The following SLC13A1 variants were observed in gnomAD, a reference collection of about 807,000 sequenced individuals.
SLC13A1 encodes Na(+)/sulfate cotransporter.
In SLC13A1, 65 loss-of-function variants were observed where a neutral mutation model predicts 70.0. That is an observed-to-expected ratio of 0.93 (90% CI 0.76 to 1.14). The LOEUF (loss-of-function observed/expected upper bound fraction) is 1.14. SLC13A1 is among the 50% of genes most tolerant of loss of function. The probability of loss-of-function intolerance (pLI) is 0.00; values close to 1 mark genes in which losing one functional copy is unlikely to be tolerated. For missense variants in SLC13A1, 726 were observed against 717.8 expected, an observed-to-expected ratio of 1.01 and a Z score of -0.13; for synonymous variants, 275 against 250.5, an observed-to-expected ratio of 1.10 and a Z score of -0.92.
intron 1 of SLC13A1, among the ~76,000 whole-genome samples, chr7:123,196,699 A>G (rs17145521): frequency 0.033 from 4,961 of 152,100 alleles, 287 homozygotes; most frequent in African/African-American, 0.11. Flanking sequence ...CCTTAATGAC[A>G]TTGCGTACCA....
intron 11 of SLC13A1, among the ~76,000 whole-genome samples, chr7:123,125,304 T>C (rs1464679723): frequency 6.6e-6 from 1 of 152,172 alleles, no homozygotes; most frequent in African/African-American, 2.4e-5. Context: ...TTACCATGGG[T>C]CAAATAGTAT....
intron 3 of SLC13A1, among the ~76,000 whole-genome samples, chr7:123,171,323 C>T (rs1795264678): frequency 1.3e-5 from 2 of 152,198 alleles, no homozygotes; most frequent in African/African-American, 2.4e-5. Flanking sequence ...TTTTTCTGCA[C>T]ACATTTGTAT....
At chr7:123,148,834 C>T (rs139338152) in intron 6 of SLC13A1, among the ~76,000 whole-genome samples, 5 of 152,226 alleles carry the variant, frequency 3.3e-5, no homozygotes, top group African/African-American at 1.2e-4. Flanking sequence ...TCACCACTTG[C>T]TACACTCAGT....
intron 2 of SLC13A1, among the ~76,000 whole-genome samples, chr7:123,176,774 C>T (rs960041976): frequency 2.6e-5 from 4 of 152,124 alleles, no homozygotes; most frequent in Admixed American, 6.6e-5. Context: ...TCCAAGATCC[C>T]ACACCCTCCT....
At chr7:123,151,389 T>C (rs1244751191) in intron 6 of SLC13A1, among the ~76,000 whole-genome samples, 1 of 139,196 alleles carries the variant, frequency 7.2e-6, no homozygotes, top group Non-Finnish European at 1.7e-5. Context: ...TGTGTGTGTA[T>C]ATATATATAT....
intron 1 of SLC13A1, among the ~76,000 whole-genome samples, chr7:123,194,577 C>G (rs1796113809): frequency 6.6e-6 from 1 of 151,654 alleles, no homozygotes; most frequent in South Asian, 2.1e-4. Context: ...TGGCCAGAGA[C>G]TGTAGGGGAA....
In SLC13A1 at chr7:123,114,970, T is replaced by G. The variant is rs552654398; in HGVS notation, c.*548A>C. On this transcript the variant is annotated 3_prime_UTR_variant, in exon 15 of 15. Transcript: ENST00000194130. ...CATGTATATATTAAGAATAATCCAATTGGATTTTTTAAATGAGGAAATGCA... is the reference window on the plus strand; with the variant it reads ...CATGTATATATTAAGAATAATCCAAGTGGATTTTTTAAATGAGGAAATGCA... 1 of 152,224 alleles carries G rather than the reference T, an allele frequency of 6.6e-6. No individual in the cohort carries two copies. The highest frequency in any genetic ancestry group is 2.4e-5 in the African/African-American group (1 of 41,444). 9.4% of individuals were successfully genotyped at this position (152,224 alleles called of 1,614,324 possible).
intron 13 of SLC13A1, 80 bp from the exon 14 acceptor site, chr7:123,117,688 T>A: frequency 4.4e-5 from 36 of 823,904 alleles, no homozygotes; most frequent in Non-Finnish European, 5.8e-5. Flanking sequence ...AGTATTACAA[T>A]AAGCCTTCCC....
At position 123,170,642 on chromosome 7, in the gene SLC13A1, G is replaced by T. The variant is rs571665077; in HGVS notation, c.365+1126C>A. On this transcript the variant is annotated intron_variant, in intron 3 of 14. Coordinates refer to ENST00000194130, the MANE Select transcript of SLC13A1 (RefSeq NM_022444.4). ...GTTTTTTTTGTTTGTTTGTTTGTTT[G>T]TTTTGAGACAGAGTCTCACTCTGTT... Among the ~76,000 whole-genome samples the T allele has an allele frequency of 3.5e-3, 526 of 151,616 alleles. 4 individuals carry two copies. Among genetic ancestry groups the T allele is most frequent in the African/African-American group, 0.012 (482 of 41,374 alleles).
intron 6 of SLC13A1, among the ~76,000 whole-genome samples, chr7:123,159,422 C>T (rs1585350610): frequency 6.6e-6 from 1 of 152,116 alleles, no homozygotes; most frequent in Admixed American, 6.6e-5. Context: ...GAAAACATCA[C>T]GTGAGGATGC....
At chr7:123,161,239 TTAAA>T (rs1213919730) in intron 6 of SLC13A1, among the ~76,000 whole-genome samples, 7 of 150,466 alleles carry the variant, frequency 4.7e-5, no homozygotes, top group African/African-American at 1.2e-4. Context: ...TAAAAAAGAC[TTAAA>T]TAAAATATTT....
chr7:123,199,158 C>A (rs1030985282), intron 1 of SLC13A1, among the ~76,000 whole-genome samples: 1 of 152,084 alleles, frequency 6.6e-6, no homozygotes, highest in African/African-American at 2.4e-5. Context: ...TTTGCTGATT[C>A]AAATCATTTT....
intron 2 of SLC13A1, among the ~76,000 whole-genome samples, chr7:123,179,185 A>G (rs905354843): frequency 3.9e-5 from 6 of 152,166 alleles, no homozygotes; most frequent in Admixed American, 6.6e-5. Flanking sequence ...CATGAAAAAA[A>G]CTAAGGTTTA....
At chr7:123,145,509 A>G (rs758867054) in intron 7 of SLC13A1, among the ~76,000 whole-genome samples, 1 of 152,236 alleles carries the variant, frequency 6.6e-6, no homozygotes, top group Non-Finnish European at 1.5e-5. Flanking sequence ...AAATTCACAG[A>G]CAGGAACTAA....
At chr7:123,142,660 G>GAGTCTTACTCTATTGTCC (rs140530822) in intron 7 of SLC13A1, among the ~76,000 whole-genome samples, 1 of 132,690 alleles carries the variant, frequency 7.5e-6, no homozygotes, top group African/African-American at 2.9e-5. Flanking sequence ...TTTTTTGATG[G>GAGTCTTACTCTATTGTCC]AGGCTGGAGT....
At chr7:123,122,057 T>A (rs767924284) in intron 12 of SLC13A1, among the ~76,000 whole-genome samples, 4 of 152,148 alleles carry the variant, frequency 2.6e-5, no homozygotes, top group Non-Finnish European at 5.9e-5. Flanking sequence ...TGCATCAGGC[T>A]GAGTCCACAC....
At chr7:123,179,825 G>A (rs2402635) in intron 2 of SLC13A1, among the ~76,000 whole-genome samples, 62,272 of 151,828 alleles carry the variant, frequency 0.41, 12,824 homozygotes, top group African/African-American at 0.44. Flanking sequence ...AAACACACCT[G>A]TCTCTGGACA....
At chr7:123,177,587 CT>C (rs1795490065) in intron 2 of SLC13A1, among the ~76,000 whole-genome samples, 1 of 152,064 alleles carries the variant, frequency 6.6e-6, no homozygotes, top group African/African-American at 2.4e-5. Flanking sequence ...TTTTTAGTTA[CT>C]CTTTTCCAAT....
At position 123,125,558 on chromosome 7, in the gene SLC13A1, T is replaced by G. The variant is rs201883158; in HGVS notation, c.1240+11A>C. The G allele has an allele frequency of 6.4e-7, 1 of 1,567,540 alleles. No homozygotes were observed. The highest frequency in any genetic ancestry group is 1.8e-5 in the Admixed American group (1 of 54,460). ...TGTTAAATTTATGCAGAATTATAAA[T>G]GATACTCAACCAATTTCTCCTGTAG... is the stretch of plus-strand genomic sequence containing the variant. On this transcript the variant is annotated intron_variant, in intron 11 of 14. Transcript: ENST00000194130.
Sources: gnomAD v4.1 joint callset for allele counts (sites outside exome capture counted in the v4.1 genomes callset) on GRCh38, gnomAD v4.1.1 for gene constraint, MANE v1.5 for transcripts, NCBI Gene and HGNC (gene_info 2026-07-23, HGNC 2026-07-21) for gene names.